The following MYO6 variants were observed in gnomAD, a reference collection of about 807,000 sequenced individuals.
MYO6 encodes the protein myosin VI.
Under a neutral mutation model 178.7 loss-of-function variants are expected in MYO6, and 74 were observed. The ratio of observed to expected loss-of-function variants is 0.41; its 90% CI spans 0.34 to 0.50. The LOEUF (loss-of-function observed/expected upper bound fraction) is 0.50, where lower values mean the gene tolerates loss of function less well. MYO6 is among the 20% of genes least tolerant of loss of function. The pLI, the probability that MYO6 is intolerant of heterozygous loss-of-function variation, is 0.09. For synonymous variants in MYO6, 477 were observed against 504.6 expected, an observed-to-expected ratio of 0.95 and a Z score of 0.73; for missense variants, 1,330 against 1,547.4, an observed-to-expected ratio of 0.86 and a Z score of 2.36.
intron 16 of MYO6, among the ~76,000 whole-genome samples, chr6:75,864,959 G>A (rs1776525203): frequency 6.6e-6 from 1 of 152,080 alleles, no homozygotes; most frequent in Non-Finnish European, 1.5e-5. Flanking sequence ...TGGTAGGTTG[G>A]GAGTCAGGCT....
At chr6:75,774,458 A>T (rs1003750606) in intron 1 of MYO6, among the ~76,000 whole-genome samples, 3 of 152,164 alleles carry the variant, frequency 2.0e-5, no homozygotes, top group Non-Finnish European at 4.4e-5. Flanking sequence ...TAAATTGCTG[A>T]TATTCATTTA....
At chr6:75,750,462 A>C (rs1235986279) in intron 1 of MYO6, among the ~76,000 whole-genome samples, 1 of 151,684 alleles carries the variant, frequency 6.6e-6, no homozygotes, top group East Asian at 1.9e-4. Context: ...CTGATTTACA[A>C]GTATTAGTGA....
chr6:75,766,954 A>T (rs1310611386), intron 1 of MYO6, among the ~76,000 whole-genome samples: 1 of 152,302 alleles, frequency 6.6e-6, no homozygotes, highest in South Asian at 2.1e-4. Context: ...GAGCTGGATC[A>T]GTTTGTAGCA....
chr6:75,893,587 G>A (rs776534089), intron 28 of MYO6, among the ~76,000 whole-genome samples: 9 of 152,148 alleles, frequency 5.9e-5, no homozygotes, highest in Non-Finnish European at 1.3e-4. Context: ...GACGGGGAAG[G>A]AAAAGGGCAT....
chr6:75,750,180 C>T (rs1369920316), intron 1 of MYO6, among the ~76,000 whole-genome samples: 5 of 151,144 alleles, frequency 3.3e-5, no homozygotes, highest in Non-Finnish European at 7.4e-5. Flanking sequence ...ACTGCACCCT[C>T]CCCCTCGCGG....
intron 1 of MYO6, among the ~76,000 whole-genome samples, chr6:75,758,303 A>G (rs1562116409): frequency 6.6e-6 from 1 of 152,146 alleles, no homozygotes; most frequent in Non-Finnish European, 1.5e-5. Flanking sequence ...GCTTGGGTTA[A>G]CCAGGCAGTA....
At chr6:75,862,496 T>G in intron 15 of MYO6, 100 bp from the exon 16 acceptor site, 1 of 1,073,372 alleles carries the variant, frequency 9.3e-7, no homozygotes. Context: ...GCTATGTTGT[T>G]TCTGATCAGT....
At chr6:75,849,212 G>A (rs572483998) in intron 11 of MYO6, among the ~76,000 whole-genome samples, 1 of 152,250 alleles carries the variant, frequency 6.6e-6, no homozygotes, top group Admixed American at 6.5e-5. Context: ...ATTTATGTGT[G>A]GTCTATACCA....
intron 1 of MYO6, among the ~76,000 whole-genome samples, chr6:75,795,102 T>C (rs979334023): frequency 6.6e-6 from 1 of 152,256 alleles, no homozygotes; most frequent in Non-Finnish European, 1.5e-5. Flanking sequence ...CTTGAACTAC[T>C]CTGAAACTTT....
At chr6:75,869,610 C>A (rs1189750534) in intron 18 of MYO6, among the ~76,000 whole-genome samples, 1 of 152,030 alleles carries the variant, frequency 6.6e-6, no homozygotes, top group Non-Finnish European at 1.5e-5. Context: ...ATAAATACCT[C>A]AGTATAAAAT....
intron 4 of MYO6, 101 bp from the exon 5 acceptor site, chr6:75,830,315 A>G: frequency 9.0e-7 from 1 of 1,106,974 alleles, no homozygotes. Flanking sequence ...AGTTATATAG[A>G]TAATTGAAAT....
chr6:75,773,345 A>G (rs1766070347), intron 1 of MYO6, among the ~76,000 whole-genome samples: 4 of 152,240 alleles, frequency 2.6e-5, no homozygotes, highest in Admixed American at 2.6e-4. Flanking sequence ...AATGACAGCC[A>G]CACAAGTTAG....
chr6:75,914,007 G>A, intron 33 of MYO6, 56 bp from the exon 34 acceptor site: 1 of 1,523,688 alleles, frequency 6.6e-7, no homozygotes, highest in Non-Finnish European at 9.0e-7. Context: ...TAGGATTAAA[G>A]GCTCTTTTCT....
chr6:75,794,731 C>CAA (rs1335826911), intron 1 of MYO6, among the ~76,000 whole-genome samples: 1 of 122,778 alleles, frequency 8.1e-6, no homozygotes, highest in African/African-American at 4.1e-5. Context: ...GTTATATAAG[C>CAA]AAAAAAAATA....
At chr6:75,860,909 C>A (rs1776145595) in intron 14 of MYO6, 114 bp from the exon 15 acceptor site, 1 of 819,908 alleles carries the variant, frequency 1.2e-6, no homozygotes, top group Admixed American at 1.9e-5. Flanking sequence ...TAAGGCTATA[C>A]CAGTTTGTAT....
chr6:75,909,873 A>G (rs946819783), intron 32 of MYO6, among the ~76,000 whole-genome samples: 2 of 152,222 alleles, frequency 1.3e-5, no homozygotes, highest in African/African-American at 4.8e-5. Flanking sequence ...CTTCCAAGTA[A>G]ATAAAAGCAG....
At chr6:75,891,483 T>G (rs549630603) in intron 27 of MYO6, among the ~76,000 whole-genome samples, 177 bp downstream of exon 27, 33 of 152,006 alleles carry the variant, frequency 2.2e-4, no homozygotes, top group African/African-American at 8.0e-4. Context: ...CGAAAACAAA[T>G]TAGCCGGACA....
intron 1 of MYO6, among the ~76,000 whole-genome samples, chr6:75,772,042 CTT>C (rs1257370353): frequency 6.6e-6 from 1 of 152,124 alleles, no homozygotes; most frequent in Non-Finnish European, 1.5e-5. Context: ...AAATGGTACA[CTT>C]GATACAAAAT....
intron 5 of MYO6, 147 bp downstream of exon 5, chr6:75,830,692 T>C: frequency 1.3e-6 from 1 of 773,408 alleles, no homozygotes; most frequent in East Asian, 2.8e-5. Context: ...TCAACATTGT[T>C]AGGAGCAAGT....
Sources: gnomAD v4.1 joint callset for allele counts (sites outside exome capture counted in the v4.1 genomes callset) on GRCh38, gnomAD v4.1.1 for gene constraint, MANE v1.5 for transcripts, NCBI Gene and HGNC (gene_info 2026-07-23, HGNC 2026-07-21) for gene names.